The following WWOX variants were observed in gnomAD, a reference collection of about 807,000 sequenced individuals.
WWOX encodes WW domain containing oxidoreductase.
WWOX carries 69 observed loss-of-function variants against 46.2 expected under a neutral mutation model. The observed-to-expected ratio is 1.49, with a 90% CI of 1.23 to 1.82. The LOEUF (loss-of-function observed/expected upper bound fraction) is 1.82. WWOX is among the 40% of genes most tolerant of loss of function. The probability of loss-of-function intolerance (pLI) is 0.00; values close to 1 mark genes in which losing one functional copy is unlikely to be tolerated. For synonymous variants in WWOX, 359 were observed against 202.6 expected, an observed-to-expected ratio of 1.77 and a Z score of -6.56; for missense variants, 919 against 542.6, an observed-to-expected ratio of 1.69 and a Z score of -6.89.
At chr16:78,814,061 A>G (rs988388008) in intron 8 of WWOX, among the ~76,000 whole-genome samples, 17 of 152,196 alleles carry the variant, frequency 1.1e-4, no homozygotes, top group African/African-American at 3.6e-4. Flanking sequence ...GCACTTACCA[A>G]TACTGCCCAG....
chr16:78,359,376 GT>G (rs1030470349), intron 5 of WWOX, among the ~76,000 whole-genome samples: 2 of 152,136 alleles, frequency 1.3e-5, no homozygotes, highest in Admixed American at 6.6e-5. Context: ...TACAAATTAA[GT>G]TTTTTTCTGC....
chr16:78,119,656 G>C (rs1437807559), intron 4 of WWOX, among the ~76,000 whole-genome samples: 2 of 151,290 alleles, frequency 1.3e-5, no homozygotes. Context: ...TTGAGATGGG[G>C]TCTCACTGTG....
chr16:78,329,121 A>G (rs1320066877), intron 5 of WWOX, among the ~76,000 whole-genome samples: 1 of 152,134 alleles, frequency 6.6e-6, no homozygotes, highest in Non-Finnish European at 1.5e-5. Context: ...TTGGCCTCCC[A>G]AAGTGCTGGG....
chr16:79,157,910 C>G (rs1016177901), intron 8 of WWOX, among the ~76,000 whole-genome samples: 1 of 152,116 alleles, frequency 6.6e-6, no homozygotes, highest in African/African-American at 2.4e-5. Flanking sequence ...CCCTATTTTT[C>G]TGGTACCTGG....
chr16:79,158,552 A>C (rs2050425878), intron 8 of WWOX, among the ~76,000 whole-genome samples: 1 of 152,136 alleles, frequency 6.6e-6, no homozygotes, highest in African/African-American at 2.4e-5. Flanking sequence ...CTTTCCACAT[A>C]TGCTGGATCA....
intron 5 of WWOX, among the ~76,000 whole-genome samples, chr16:78,182,868 AT>A (rs1376580608): frequency 1.3e-5 from 2 of 150,720 alleles, no homozygotes; most frequent in African/African-American, 4.9e-5. Flanking sequence ...GGAGAATGGC[AT>A]GAACCTGGGA....
At chr16:78,901,010 G>C (rs962162727) in intron 8 of WWOX, among the ~76,000 whole-genome samples, 7 of 152,150 alleles carry the variant, frequency 4.6e-5, no homozygotes, top group Non-Finnish European at 1.0e-4. Flanking sequence ...AAGTTTCCAA[G>C]AACATGTTCT....
chr16:78,565,296 T>C (rs2044538329), intron 8 of WWOX, among the ~76,000 whole-genome samples: 1 of 152,174 alleles, frequency 6.6e-6, no homozygotes, highest in African/African-American at 2.4e-5. Context: ...GAGTCACAAG[T>C]TCAAAATCAG....
intron 8 of WWOX, among the ~76,000 whole-genome samples, chr16:78,788,149 A>T (rs1394781038): frequency 6.6e-6 from 1 of 152,130 alleles, no homozygotes; most frequent in East Asian, 1.9e-4. Context: ...TTAAATCTTG[A>T]TGAAGTCCCC....
rs1297415934 is a variant in WWOX at position 78,225,044 on chromosome 16, C to T, written c.516+60755C>T. 7.9e-5 allele frequency among the ~76,000 whole-genome samples: 12 copies of T among 152,128 alleles called. No homozygotes were observed. The South Asian group carries it at 8.3e-4, about 11-fold the overall frequency. On this transcript the variant is annotated intron_variant, in intron 5 of 8. Coordinates refer to ENST00000566780, the MANE Select transcript of WWOX (RefSeq NM_016373.4). ...ATGTATATCACAGGTACAGTCACATCGCTTAACAAGGGAGATACATTCTGA... is the reference window on the plus strand; with the variant it reads ...ATGTATATCACAGGTACAGTCACATTGCTTAACAAGGGAGATACATTCTGA...
intron 8 of WWOX, among the ~76,000 whole-genome samples, chr16:78,460,794 A>C (rs530650146): frequency 1.3e-5 from 2 of 152,376 alleles, no homozygotes; most frequent in East Asian, 3.9e-4. Context: ...TCCTGACCAT[A>C]AATACTAAAT....
chr16:78,925,910 T>C (rs1056549627), intron 8 of WWOX, among the ~76,000 whole-genome samples: 6 of 152,084 alleles, frequency 3.9e-5, no homozygotes, highest in Non-Finnish European at 8.8e-5. Context: ...AGAATGAAGG[T>C]AGAATGTGGG....
chr16:78,169,781 G>C (rs974879650), intron 5 of WWOX, among the ~76,000 whole-genome samples: 4 of 152,164 alleles, frequency 2.6e-5, no homozygotes, highest in Non-Finnish European at 4.4e-5. Flanking sequence ...GGATGAGGCT[G>C]AGGCTGGGAG....
At chr16:78,658,245 T>C (rs1020956645) in intron 8 of WWOX, among the ~76,000 whole-genome samples, 1 of 152,168 alleles carries the variant, frequency 6.6e-6, no homozygotes, top group Non-Finnish European at 1.5e-5. Context: ...TTTGGTTCTT[T>C]CCATGAGAAA....
chr16:78,810,183 C>T (rs867934469), intron 8 of WWOX, among the ~76,000 whole-genome samples: 1 of 152,118 alleles, frequency 6.6e-6, no homozygotes, highest in Non-Finnish European at 1.5e-5. Context: ...GACGGGTACC[C>T]CTTGCCTATA....
At chr16:78,297,773 G>T (rs1431074362) in intron 5 of WWOX, among the ~76,000 whole-genome samples, 3 of 152,032 alleles carry the variant, frequency 2.0e-5, no homozygotes, top group African/African-American at 7.2e-5. Context: ...TTATATCCTA[G>T]TATGGGCAAT....
chr16:78,931,410 G>C (rs182761372), intron 8 of WWOX, among the ~76,000 whole-genome samples: 66 of 152,330 alleles, frequency 4.3e-4, no homozygotes, highest in African/African-American at 1.6e-3. Flanking sequence ...AGGGAGAATG[G>C]GAAGTCCTCA....
chr16:79,036,211 C>G (rs141656671), intron 8 of WWOX, among the ~76,000 whole-genome samples: 26 of 152,182 alleles, frequency 1.7e-4, no homozygotes, highest in African/African-American at 5.5e-4. Context: ...AAACAGTATA[C>G]CCACTACAGC....
intron 8 of WWOX, among the ~76,000 whole-genome samples, chr16:79,074,152 G>A (rs1417447485): frequency 6.6e-6 from 1 of 152,094 alleles, no homozygotes; most frequent in African/African-American, 2.4e-5. Flanking sequence ...TAGAGTTCGA[G>A]CAGGCAACTC....
Sources: gnomAD v4.1 joint callset for allele counts (sites outside exome capture counted in the v4.1 genomes callset) on GRCh38, gnomAD v4.1.1 for gene constraint, MANE v1.5 for transcripts, NCBI Gene and HGNC (gene_info 2026-07-23, HGNC 2026-07-21) for gene names.